DSCAML1: variants seen among roughly 807,000 people sequenced by gnomAD.
The protein encoded by DSCAML1 is DS cell adhesion molecule like 1.
DSCAML1 carries 38 observed loss-of-function variants against 200.5 expected under a neutral mutation model. The observed-to-expected ratio is 0.19, with a 90% CI of 0.15 to 0.25. The LOEUF (loss-of-function observed/expected upper bound fraction) is 0.25, where lower values mean the gene tolerates loss of function less well. DSCAML1 is among the 10% of genes least tolerant of loss of function. The pLI is 1.00. For synonymous variants in DSCAML1, 1,215 were observed against 1,165.0 expected (o/e 1.04, Z -0.87); for missense variants, 2,223 against 2,858.8 (o/e 0.78, Z 5.07).
At chr11:117,568,856 T>C (rs904170242) in intron 3 of DSCAML1, among the ~76,000 whole-genome samples, 7 of 152,290 alleles carry the variant, frequency 4.6e-5, no homozygotes, top group Admixed American at 3.9e-4. Flanking sequence ...TCTTCAAGAA[T>C]TGGAAAAAAC....
chr11:117,760,396 C>G (rs542430259), intron 3 of DSCAML1, among the ~76,000 whole-genome samples: 1 of 152,314 alleles, frequency 6.6e-6, no homozygotes, highest in African/African-American at 2.4e-5. Context: ...TGTTTTTATA[C>G]TTTTGCTACA....
intron 3 of DSCAML1, among the ~76,000 whole-genome samples, chr11:117,717,550 C>G (rs189474075): frequency 1.3e-5 from 2 of 152,204 alleles, no homozygotes; most frequent in Non-Finnish European, 2.9e-5. Flanking sequence ...AAGACCCTGA[C>G]GATCAACCAG....
At chr11:117,787,714 G>A (rs935667238) in intron 1 of DSCAML1, among the ~76,000 whole-genome samples, 2 of 152,196 alleles carry the variant, frequency 1.3e-5, no homozygotes, top group African/African-American at 4.8e-5. Context: ...TGGAGATCAA[G>A]ATAAGAAAAC....
chr11:117,521,379 T>G lies in DSCAML1; in HGVS notation c.964A>C (p.Lys322Gln), dbSNP rs749786208. 1 of 1,613,846 alleles carries G rather than the reference T, an allele frequency of 6.2e-7. No individual in the cohort carries two copies. The highest frequency in any genetic ancestry group is 8.5e-7 in the Non-Finnish European group (1 of 1,179,864). ...CTGCCAATGCCGGTCTTCAGCTTCT[T>G]TGGTGTCAGGGTCACATGAAGGGGA... ...IDPLHVTLTP[K>Q]KLKTGIGSTV... is the part of the protein sequence containing the mutation. The change falls in exon 6 of 33, where the codon AAG becomes CAG. Residue 322 changes from lysine (K) to glutamine (Q), a missense_variant. Coordinates refer to ENST00000651296, the MANE Select transcript of DSCAML1 (RefSeq NM_020693.4).
intron 3 of DSCAML1, among the ~76,000 whole-genome samples, chr11:117,725,861 A>G (rs1312888452): frequency 6.6e-6 from 1 of 152,032 alleles, no homozygotes; most frequent in Non-Finnish European, 1.5e-5. Flanking sequence ...AAAGGTAGGG[A>G]GGCAGCAGGC....
At chr11:117,458,985 C>A in intron 18 of DSCAML1, 76 bp from the exon 19 acceptor site, 1 of 1,557,132 alleles carries the variant, frequency 6.4e-7, no homozygotes, top group East Asian at 2.2e-5. Context: ...GCTGCCTGGG[C>A]TCTGCCCACA....
At chr11:117,769,459 TAA>T (rs1565274122) in intron 3 of DSCAML1, among the ~76,000 whole-genome samples, 3 of 74,112 alleles carry the variant, frequency 4.0e-5, no homozygotes, top group African/African-American at 2.1e-4. Context: ...TTTATATATA[TAA>T]TATATATTTT....
At chr11:117,500,733 G>A (rs1310407349) in intron 11 of DSCAML1, among the ~76,000 whole-genome samples, 1 of 152,186 alleles carries the variant, frequency 6.6e-6, no homozygotes, top group Non-Finnish European at 1.5e-5. Flanking sequence ...AAGCTGCAGG[G>A]ATCAATGGTA....
intron 3 of DSCAML1, among the ~76,000 whole-genome samples, chr11:117,544,524 A>G (rs913106628): frequency 2.6e-5 from 4 of 152,068 alleles, no homozygotes; most frequent in African/African-American, 7.2e-5. Flanking sequence ...TCTGCAGGGC[A>G]CCTTCCTTTC....
chr11:117,705,374 T>C (rs2053742202), intron 3 of DSCAML1, among the ~76,000 whole-genome samples: 1 of 152,212 alleles, frequency 6.6e-6, no homozygotes, highest in Non-Finnish European at 1.5e-5. Flanking sequence ...ATTTTATTTT[T>C]TTGCTTTTGT....
intron 3 of DSCAML1, among the ~76,000 whole-genome samples, chr11:117,575,831 A>C (rs2137447214): frequency 7.3e-6 from 1 of 137,222 alleles, no homozygotes; most frequent in East Asian, 2.1e-4. Flanking sequence ...GATCCTGTCC[A>C]AAAACAAAAA....
chr11:117,621,068 C>G (rs1565831563), intron 3 of DSCAML1, among the ~76,000 whole-genome samples: 1 of 152,232 alleles, frequency 6.6e-6, no homozygotes, highest in Non-Finnish European at 1.5e-5. Flanking sequence ...AAATGGTTTA[C>G]TGTCTATGGA....
chr11:117,671,126 G>T (rs1353758385), intron 3 of DSCAML1, among the ~76,000 whole-genome samples: 1 of 152,224 alleles, frequency 6.6e-6, no homozygotes, highest in Non-Finnish European at 1.5e-5. Flanking sequence ...CCCCGAGAGG[G>T]ACACAGCCTG....
chr11:117,712,479 G>T (rs897065791), intron 3 of DSCAML1, among the ~76,000 whole-genome samples: 2 of 152,154 alleles, frequency 1.3e-5, no homozygotes, highest in African/African-American at 2.4e-5. Context: ...TCCCTGGAGA[G>T]AAAGGTTAGG....
chr11:117,797,299 C>G, upstream of DSCAML1: 3 of 1,321,022 alleles, frequency 2.3e-6, no homozygotes, highest in South Asian at 2.1e-5. Flanking sequence ...CCCGCCCCCC[C>G]GCGGCACCCC....
At chr11:117,584,140 C>T (rs1174795589) in intron 3 of DSCAML1, among the ~76,000 whole-genome samples, 1 of 152,090 alleles carries the variant, frequency 6.6e-6, no homozygotes, top group African/African-American at 2.4e-5. Context: ...AAATTCTTTT[C>T]TGCTTCTGTC....
At chr11:117,473,312 T>A (rs2048723341) in intron 14 of DSCAML1, among the ~76,000 whole-genome samples, 2 of 151,876 alleles carry the variant, frequency 1.3e-5, no homozygotes, top group African/African-American at 4.8e-5. Flanking sequence ...GCTGGGACAA[T>A]ATGGTGAAAC....
rs923214901 is a variant in DSCAML1, at chr11:117,450,659, C to T, written c.3598G>A (p.Val1200Ile). Residue 1200 changes from valine (V) to isoleucine (I), a missense_variant, in exon 20 of 33, where the codon GTC becomes ATC. By Grantham distance (29) the Val-to-Ile change is conservative (BLOSUM62 3). Coordinates refer to ENST00000651296, the MANE Select transcript of DSCAML1 (RefSeq NM_020693.4). ...VPGPPAGIKA[V>I]PSSASSVVVS... ...ACCACACTGCTAGCTGATGAAGGGACAGCTTTGATGCCAGCAGGGGGACCT... is the reference window on the plus strand; with the variant it reads ...ACCACACTGCTAGCTGATGAAGGGATAGCTTTGATGCCAGCAGGGGGACCT... The T allele has an allele frequency of 4.3e-6, 7 of 1,614,004 alleles. No homozygotes were observed. Among genetic ancestry groups the T allele is most frequent in the South Asian group, 2.2e-5 (2 of 91,082 alleles).
At chr11:117,735,179 C>T (rs2054295319) in intron 3 of DSCAML1, among the ~76,000 whole-genome samples, 1 of 152,150 alleles carries the variant, frequency 6.6e-6, no homozygotes, top group African/African-American at 2.4e-5. Flanking sequence ...GGCCCCAAGT[C>T]CCCACTGGAA....
Sources: allele counts gnomAD v4.1 joint callset (sites outside exome capture counted in the v4.1 genomes callset), GRCh38; gene constraint gnomAD v4.1.1; transcripts MANE v1.5; gene names NCBI Gene and HGNC (gene_info 2026-07-23, HGNC 2026-07-21).